Variants in LIPH observed in about 807,000 individuals in gnomAD.
LIPH encodes lipase H, also known as lipase member H.
A neutral mutation model predicts 47.6 loss-of-function variants in LIPH; 32 were observed. That is an observed-to-expected ratio of 0.67 (90% CI 0.51 to 0.90). LIPH has a LOEUF of 0.90. Ranked by LOEUF, LIPH falls within the 40% of genes least tolerant of loss-of-function variation. The pLI is 0.00. For synonymous variants in LIPH, 190 were observed against 195.6 expected, an observed-to-expected ratio of 0.97 and a Z score of 0.24; for missense variants, 497 against 541.4, an observed-to-expected ratio of 0.92 and a Z score of 0.81.
chr3:185,519,011 A>T, intron 6 of LIPH, 131 bp downstream of exon 6: 1 of 773,340 alleles, frequency 1.3e-6, no homozygotes, highest in Non-Finnish European at 2.3e-6. Context: ...GGCATGAGCC[A>T]CTGTGCCCAG....
intron 1 of LIPH, among the ~76,000 whole-genome samples, chr3:185,543,404 A>T (rs1226159907): frequency 1.3e-5 from 2 of 152,190 alleles, no homozygotes; most frequent in East Asian, 3.8e-4. Context: ...GTATATATTA[A>T]ATCAGATGCC....
intron 7 of LIPH, among the ~76,000 whole-genome samples, chr3:185,515,484 A>G (rs1719702442): frequency 6.6e-6 from 1 of 151,758 alleles, no homozygotes; most frequent in African/African-American, 2.4e-5. Context: ...ACATGGCTCC[A>G]AAGAAAGAGG....
At chr3:185,523,223 C>T (rs1422031364) in intron 5 of LIPH, among the ~76,000 whole-genome samples, 1 of 152,132 alleles carries the variant, frequency 6.6e-6, no homozygotes, top group Non-Finnish European at 1.5e-5. Context: ...AGATCAAAGA[C>T]ATACCTTTTC....
At position 185,529,987 on chromosome 3, in the gene LIPH, A is replaced by AGAGG. The variant is rs1553823344; in HGVS notation, c.527-2403_527-2402insCCTC. On this transcript the variant is annotated intron_variant, in intron 3 of 9. Coordinates refer to ENST00000296252, the MANE Select transcript of LIPH (RefSeq NM_139248.3). ...GAAGGAAAGAAAGAAAGAGAGAGAGAGAGAAAATAAGCAGTGCCTGGCGCG... is the reference window on the plus strand; with the variant it reads ...GAAGGAAAGAAAGAAAGAGAGAGAGAGAGGGAGAAAATAAGCAGTGCCTGGCGCG... Among the ~76,000 whole-genome samples the AGAGG allele has an allele frequency of 9.9e-3, 1,474 of 149,300 alleles. 17 individuals are homozygous for AGAGG. The highest frequency in any genetic ancestry group is 0.015 in the African/African-American group (585 of 40,210).
Position 185,548,427 on chromosome 3 carries a change from C to CA in LIPH, c.49+3995dup, listed in dbSNP as rs201314418. 4.7e-4 allele frequency among the ~76,000 whole-genome samples: 70 copies of CA among 147,440 alleles called. No individual in the cohort carries two copies. The South Asian group carries it at 0.013, about 27-fold the overall frequency. ...TCACATAAAAGGAAAAAAAAAACAA[C>CA]AAAAAAAAACTCATCCTAGGTCAAG... On this transcript the variant is annotated intron_variant, in intron 1 of 9. Transcript: ENST00000296252.
intron 6 of LIPH, among the ~76,000 whole-genome samples, chr3:185,517,771 T>G (rs1719777177): frequency 6.6e-6 from 1 of 152,164 alleles, no homozygotes; most frequent in African/African-American, 2.4e-5. Flanking sequence ...CTTAGGTGAT[T>G]CTAAAGCACA....
intron 3 of LIPH, among the ~76,000 whole-genome samples, chr3:185,532,259 C>T (rs568853417): frequency 6.6e-6 from 1 of 152,278 alleles, no homozygotes; most frequent in East Asian, 1.9e-4. Flanking sequence ...TACCTGTAAT[C>T]CCAGCACTTT....
intron 1 of LIPH, among the ~76,000 whole-genome samples, chr3:185,535,347 G>A (rs1294654709): frequency 6.6e-6 from 1 of 152,154 alleles, no homozygotes; most frequent in East Asian, 1.9e-4. Flanking sequence ...CGCAATATCA[G>A]CTCACTATAA....
At chr3:185,543,183 TG>T (rs1469726328) in intron 1 of LIPH, among the ~76,000 whole-genome samples, 1 of 152,150 alleles carries the variant, frequency 6.6e-6, no homozygotes, top group Non-Finnish European at 1.5e-5. Context: ...CACTCCAGCC[TG>T]GGCAACAGAG....
At chr3:185,541,528 GA>G (rs1180306756) in intron 1 of LIPH, among the ~76,000 whole-genome samples, 1 of 150,562 alleles carries the variant, frequency 6.6e-6, no homozygotes, top group Admixed American at 6.6e-5. Flanking sequence ...CCTCAGCCCT[GA>G]AATTGTGTGA....
At chr3:185,522,418 A>G (rs1020126320) in intron 5 of LIPH, among the ~76,000 whole-genome samples, 1 of 151,710 alleles carries the variant, frequency 6.6e-6, no homozygotes. Context: ...CCAAGGCAGG[A>G]GGATCGCAAA....
At chr3:185,525,571 A>C (rs1056292626) in intron 4 of LIPH, among the ~76,000 whole-genome samples, 3 of 151,456 alleles carry the variant, frequency 2.0e-5, no homozygotes, top group Admixed American at 6.6e-5. Flanking sequence ...TGAGCTCAGG[A>C]GTTTGAGACC....
intron 3 of LIPH, among the ~76,000 whole-genome samples, chr3:185,530,809 A>G (rs1720308838): frequency 6.6e-6 from 1 of 152,202 alleles, no homozygotes; most frequent in African/African-American, 2.4e-5. Context: ...TTGAGGCTGC[A>G]GTGAGTTGTG....
At chr3:185,525,245 T>C (rs1720032615) in intron 4 of LIPH, among the ~76,000 whole-genome samples, 1 of 152,072 alleles carries the variant, frequency 6.6e-6, no homozygotes, top group Admixed American at 6.6e-5. Context: ...TTTAAAAGTA[T>C]ATATAGATTT....
Position 185,535,078 on chromosome 3 carries a change from A to G in LIPH, c.104T>C (p.Val35Ala). ...FTRLSFHSAV[V>A]GTGLNVRLML... Reference sequence around the variant, plus strand: ...CAGCCTCACATTTAGTCCCGTACCAACCACTGCACTGTGAAAGCTCAGCCT... The same window carrying G: ...CAGCCTCACATTTAGTCCCGTACCAGCCACTGCACTGTGAAAGCTCAGCCT... Residue 35 changes from valine to alanine, a missense_variant, in exon 2 of 10, where the codon GTT becomes GCT. Transcript: ENST00000296252. 1 of 1,614,136 alleles carries G rather than the reference A, an allele frequency of 6.2e-7. No individual in the cohort carries two copies. The highest frequency in any genetic ancestry group is 8.5e-7 in the Non-Finnish European group (1 of 1,180,012).
intron 5 of LIPH, among the ~76,000 whole-genome samples, chr3:185,521,203 A>G (rs1163301055): frequency 1.3e-5 from 2 of 151,898 alleles, no homozygotes; most frequent in Admixed American, 1.3e-4. Flanking sequence ...AATAACTTTG[A>G]CTCTGCTTTT....
intron 3 of LIPH, among the ~76,000 whole-genome samples, chr3:185,530,563 G>A (rs1263111453): frequency 1.3e-5 from 2 of 152,062 alleles, no homozygotes; most frequent in South Asian, 2.1e-4. Flanking sequence ...CCAGCTACTT[G>A]GGAGGCTGAG....
intron 1 of LIPH, chr3:185,546,869 T>G (rs1308658527): frequency 2.3e-6 from 1 of 442,954 alleles, no homozygotes; most frequent in East Asian, 7.1e-5. Context: ...AGCTCTGGCT[T>G]CTTCTACCTC....
chr3:185,513,158 T>C (rs1387674022), intron 8 of LIPH, among the ~76,000 whole-genome samples: 2 of 151,830 alleles, frequency 1.3e-5, no homozygotes, highest in Non-Finnish European at 2.9e-5. Context: ...CTGGCCAACA[T>C]GTGAAAACCC....
Sources: allele counts gnomAD v4.1 joint callset (sites outside exome capture counted in the v4.1 genomes callset), GRCh38; gene constraint gnomAD v4.1.1; transcripts MANE v1.5; gene names NCBI Gene and HGNC (gene_info 2026-07-23, HGNC 2026-07-21).